CCDC178: variants seen among roughly 807,000 people sequenced by gnomAD.
CCDC178 encodes coiled-coil domain-containing protein 178.
CCDC178 carries 126 observed loss-of-function variants against 117.4 expected under a neutral mutation model. That is an observed-to-expected ratio of 1.07 (90% CI 0.93 to 1.24). CCDC178 has a LOEUF of 1.24. Ranked by LOEUF, CCDC178 falls within the 50% of genes most tolerant of loss-of-function variation. CCDC178 has a pLI of 0.00. For missense variants in CCDC178, 1,030 were observed against 986.9 expected (o/e 1.04, Z -0.59); for synonymous variants, 283 against 313.4 (o/e 0.90, Z 1.02).
intron 21 of CCDC178, among the ~76,000 whole-genome samples, chr18:33,050,210 C>T (rs1567956469): frequency 6.6e-6 from 1 of 152,016 alleles, no homozygotes; most frequent in Non-Finnish European, 1.5e-5. Flanking sequence ...TTATTTTATT[C>T]ATTGTAGTTT....
chr18:33,039,249 TG>T (rs1473282280), intron 21 of CCDC178, among the ~76,000 whole-genome samples: 3 of 151,896 alleles, frequency 2.0e-5, no homozygotes, highest in African/African-American at 4.8e-5. Flanking sequence ...CATTTCTAAT[TG>T]GAGTAATAGA....
intron 5 of CCDC178, among the ~76,000 whole-genome samples, chr18:33,388,928 A>C (rs572622010): frequency 6.6e-6 from 1 of 152,040 alleles, no homozygotes; most frequent in Non-Finnish European, 1.5e-5. Flanking sequence ...TATAAGTGGG[A>C]GCTGAACAAT....
chr18:33,110,696 C>T (rs796695775), intron 20 of CCDC178, among the ~76,000 whole-genome samples: 3 of 151,584 alleles, frequency 2.0e-5, no homozygotes, highest in Non-Finnish European at 4.4e-5. Flanking sequence ...ATTTTGGTGG[C>T]ATCTTCTTGT....
chr18:33,003,654 T>C (rs1161480722), intron 21 of CCDC178, among the ~76,000 whole-genome samples: 1 of 152,154 alleles, frequency 6.6e-6, no homozygotes, highest in Non-Finnish European at 1.5e-5. Context: ...ACCATAGTTA[T>C]TCAACATAGC....
chr18:33,323,359 TAA>T (rs1281298316), intron 11 of CCDC178, 130 bp downstream of exon 11: 2 of 451,964 alleles, frequency 4.4e-6, no homozygotes, highest in African/African-American at 4.1e-5. Flanking sequence ...AACTTGGTGA[TAA>T]GACAGGTATG....
chr18:33,313,443 C>T (rs796180522), intron 11 of CCDC178, among the ~76,000 whole-genome samples: 17 of 152,228 alleles, frequency 1.1e-4, no homozygotes, highest in African/African-American at 4.1e-4. Context: ...AGTTTTCTCT[C>T]AAAAAATGGA....
In CCDC178 at chr18:33,372,919, T is replaced by C. The variant is rs148026690; in HGVS notation, c.209-2730A>G. The stretch of plus-strand genomic sequence containing the variant: ...CCCCAATTATTCTATCATCCCTTTA[T>C]CTCAACTCAGAACGCTTAGGAAAAA... On this transcript the variant is annotated intron_variant, in intron 5 of 22. Coordinates refer to ENST00000383096, the MANE Select transcript of CCDC178 (RefSeq NM_001105528.4). Among the ~76,000 whole-genome samples, 91 of 152,274 alleles carry C rather than the reference T, an allele frequency of 6.0e-4. No individual in the cohort carries two copies. In the East Asian group the frequency reaches 0.016, roughly 27 times the overall value.
chr18:33,373,458 C>A (rs1201832011), intron 5 of CCDC178, among the ~76,000 whole-genome samples: 4 of 152,102 alleles, frequency 2.6e-5, no homozygotes, highest in Non-Finnish European at 1.5e-5. Context: ...TCAAATTTTG[C>A]TTTCACTAGC....
chr18:33,005,244 A>G (rs1168415889), intron 21 of CCDC178, among the ~76,000 whole-genome samples: 4 of 152,164 alleles, frequency 2.6e-5, no homozygotes, highest in African/African-American at 4.8e-5. Flanking sequence ...TTGGATAAAG[A>G]AAATGTAGTA....
rs2054973397 is a variant in CCDC178, at chr18:32,973,579, C to T, written c.2523+968G>A. Among the ~76,000 whole-genome samples, 6 of 152,186 alleles carry T rather than the reference C, an allele frequency of 3.9e-5. No individual in the cohort carries two copies. In the South Asian group the frequency reaches 1.2e-3, roughly 32 times the overall value. ...AACCCATATATAAAGCACACACACA[C>T]ACACAATCCTCAGAAGAAAATATCA... On this transcript the variant is annotated intron_variant, in intron 22 of 22. Coordinates refer to ENST00000383096, the MANE Select transcript of CCDC178 (RefSeq NM_001105528.4).
chr18:33,349,967 T>G (rs1284765337), intron 7 of CCDC178, among the ~76,000 whole-genome samples: 42 of 151,986 alleles, frequency 2.8e-4, no homozygotes, highest in Non-Finnish European at 1.5e-5. Flanking sequence ...TTCTTGTCAT[T>G]GTTCCACAAC....
At chr18:33,217,539 T>A (rs917890507) in intron 18 of CCDC178, among the ~76,000 whole-genome samples, 10 of 152,070 alleles carry the variant, frequency 6.6e-5, no homozygotes, top group Admixed American at 2.6e-4. Flanking sequence ...GATTTTTTTT[T>A]AAATCAAAAT....
At chr18:33,187,696 T>G (rs2058813571) in intron 20 of CCDC178, among the ~76,000 whole-genome samples, 2 of 152,224 alleles carry the variant, frequency 1.3e-5, no homozygotes, top group African/African-American at 4.8e-5. Flanking sequence ...CAGGCCAAAT[T>G]TATTCATACG....
intron 20 of CCDC178, among the ~76,000 whole-genome samples, chr18:33,171,533 A>G (rs553416047): frequency 1.6e-4 from 25 of 152,342 alleles, no homozygotes; most frequent in South Asian, 6.2e-4. Context: ...GAGATTTTAT[A>G]TTACCTAAAA....
chr18:33,397,641 C>T (rs2063656927), intron 3 of CCDC178, among the ~76,000 whole-genome samples: 2 of 151,996 alleles, frequency 1.3e-5, no homozygotes, highest in South Asian at 4.1e-4. Context: ...AAATACAATA[C>T]ATGAAGAAAG....
At chr18:33,302,077 G>A (rs2062184358) in intron 11 of CCDC178, among the ~76,000 whole-genome samples, 1 of 152,124 alleles carries the variant, frequency 6.6e-6, no homozygotes, top group Non-Finnish European at 1.5e-5. Context: ...CCTCAGGATA[G>A]TGATTGAGTT....
rs2059115096 is a variant in CCDC178, at chr18:33,212,052, G to A, written c.2082C>T (p.Asn694=). 1.9e-6 allele frequency: 3 copies of A among 1,564,964 alleles called. No individual in the cohort carries two copies. The highest frequency in any genetic ancestry group is 1.4e-5 in the African/African-American group (1 of 71,666). ...TTTTAAATCTCATAGTTATAAATTT[G>A]TTCCTGTGAAGAAAGAATTCCATGT... ...SFDQTLEILK[N]KFITMRFKRE... Residue 694 remains asparagine, a synonymous_variant, in exon 20 of 23, where the codon AAC becomes AAT. Transcript: ENST00000383096.
intron 7 of CCDC178, among the ~76,000 whole-genome samples, chr18:33,351,947 A>G (rs1272841872): frequency 6.6e-6 from 1 of 152,168 alleles, no homozygotes; most frequent in Non-Finnish European, 1.5e-5. Context: ...GATGACTTAG[A>G]AATTATTCTC....
intron 7 of CCDC178, among the ~76,000 whole-genome samples, chr18:33,351,528 G>C (rs2062980447): frequency 6.6e-6 from 1 of 151,574 alleles, no homozygotes; most frequent in African/African-American, 2.4e-5. Context: ...GACTCAGGTT[G>C]ATAGTATTTT....
Sources: allele counts gnomAD v4.1 joint callset (sites outside exome capture counted in the v4.1 genomes callset), GRCh38; gene constraint gnomAD v4.1.1; transcripts MANE v1.5; gene names NCBI Gene and HGNC (gene_info 2026-07-23, HGNC 2026-07-21).